The following CSMD1 variants were observed in gnomAD, a reference collection of about 807,000 sequenced individuals.
CSMD1 encodes the protein CUB and sushi domain-containing protein 1.
A neutral mutation model predicts 417.5 loss-of-function variants in CSMD1; 213 were observed. The ratio of observed to expected loss-of-function variants is 0.51; its 90% CI spans 0.46 to 0.57. The LOEUF is 0.57. Among genes scored for constraint, CSMD1 ranks in the 20% least tolerant of loss-of-function variants. The probability of loss-of-function intolerance (pLI) is 0.00; values close to 1 mark genes in which losing one functional copy is unlikely to be tolerated. For missense variants in CSMD1, 6,923 were observed against 4,529.7 expected, an observed-to-expected ratio of 1.53 and a Z score of -15.17; for synonymous variants, 2,862 against 1,736.8, an observed-to-expected ratio of 1.65 and a Z score of -16.11.
chr8:4,420,095 G>T (rs767987945), intron 2 of CSMD1, 30 bp from the exon 3 acceptor site: 2 of 1,469,486 alleles, frequency 1.4e-6, no homozygotes, highest in Non-Finnish European at 1.9e-6. Context: ...CACAAAGAGA[G>T]TTAAAAGCAT....
intron 12 of CSMD1, among the ~76,000 whole-genome samples, chr8:3,453,556 C>T (rs1815896257): frequency 6.6e-6 from 1 of 152,172 alleles, no homozygotes; most frequent in African/African-American, 2.4e-5. Flanking sequence ...TTTCTACCTT[C>T]ATTTCGTTAT....
intron 7 of CSMD1, among the ~76,000 whole-genome samples, chr8:3,663,096 G>A (rs1223356018): frequency 6.6e-6 from 1 of 152,142 alleles, no homozygotes; most frequent in South Asian, 2.1e-4. Context: ...CCACAGAACT[G>A]CCCGCAATGA....
Position 3,856,004 on chromosome 8 carries a change from T to G in CSMD1, c.819-101962A>C, listed in dbSNP as rs563708553. ...GTCAGTATTAATCAATTTTTTTTTG[T>G]TTTTTATATCTAGACAAACATTACC... On this transcript the variant is annotated intron_variant, in intron 5 of 69. Transcript: ENST00000635120. 4.6e-5 allele frequency among the ~76,000 whole-genome samples: 7 copies of G among 152,228 alleles called. No homozygotes were observed. The East Asian group carries it at 1.4e-3, about 29-fold the overall frequency.
chr8:3,990,053 G>C (rs1268177979), intron 5 of CSMD1, among the ~76,000 whole-genome samples: 1 of 152,194 alleles, frequency 6.6e-6, no homozygotes, highest in Non-Finnish European at 1.5e-5. Context: ...AGCATTATTT[G>C]AGAATGACTA....
chr8:4,071,143 G>T (rs750703730), intron 3 of CSMD1, among the ~76,000 whole-genome samples: 1 of 151,610 alleles, frequency 6.6e-6, no homozygotes, highest in Non-Finnish European at 1.5e-5. Context: ...TCCAAATTTG[G>T]AGAATGTCAT....
At chr8:3,394,665 A>T (rs1563343059) in intron 17 of CSMD1, among the ~76,000 whole-genome samples, 1 of 152,132 alleles carries the variant, frequency 6.6e-6, no homozygotes. Flanking sequence ...GAGAAAATAC[A>T]AGGCTTATTA....
At chr8:3,476,227 C>G (rs760402196) in intron 11 of CSMD1, among the ~76,000 whole-genome samples, 7 of 152,180 alleles carry the variant, frequency 4.6e-5, no homozygotes, top group Admixed American at 6.5e-5. Context: ...ACACCTATCT[C>G]TGACTCTGAA....
chr8:3,023,539 CTCACTGTTTAAGG>C (rs1165026309), intron 51 of CSMD1, among the ~76,000 whole-genome samples: 1 of 152,116 alleles, frequency 6.6e-6, no homozygotes, highest in Non-Finnish European at 1.5e-5. Context: ...GACTGCAGAG[CTCACTGTTTAAGG>C]GTGACTATGC....
chr8:4,070,424 C>T (rs1284349541), intron 3 of CSMD1, among the ~76,000 whole-genome samples: 4 of 151,998 alleles, frequency 2.6e-5, no homozygotes, highest in African/African-American at 7.3e-5. Flanking sequence ...GTGGTGGGAT[C>T]TCGGCTCACT....
intron 1 of CSMD1, among the ~76,000 whole-genome samples, chr8:4,833,532 A>C (rs769446689): frequency 6.6e-6 from 1 of 152,230 alleles, no homozygotes; most frequent in Non-Finnish European, 1.5e-5. Context: ...ATCACCCACT[A>C]ACAGTTGCTG....
intron 18 of CSMD1, among the ~76,000 whole-genome samples, chr8:3,383,619 A>G (rs1585083673): frequency 1.3e-5 from 2 of 152,328 alleles, no homozygotes; most frequent in African/African-American, 4.8e-5. Context: ...AATGATGCCA[A>G]TAAGAGAAGG....
chr8:4,977,180 T>C (rs1435840979), intron 1 of CSMD1, among the ~76,000 whole-genome samples: 1 of 152,196 alleles, frequency 6.6e-6, no homozygotes, highest in Non-Finnish European at 1.5e-5. Flanking sequence ...TTGTTAACTA[T>C]TTTCTGTTTA....
intron 1 of CSMD1, among the ~76,000 whole-genome samples, chr8:4,690,805 T>C (rs1020098470): frequency 6.6e-6 from 1 of 152,314 alleles, no homozygotes; most frequent in East Asian, 1.9e-4. Flanking sequence ...CTCGGCTCAC[T>C]GCAACCTCTT....
At chr8:4,451,664 T>C (rs533508584) in intron 2 of CSMD1, among the ~76,000 whole-genome samples, 10 of 152,134 alleles carry the variant, frequency 6.6e-5, no homozygotes, top group South Asian at 2.1e-4. Context: ...CCTTAGTCAA[T>C]TGAGTTCACT....
chr8:4,688,088 A>T (rs1806505891), intron 1 of CSMD1, among the ~76,000 whole-genome samples: 1 of 152,038 alleles, frequency 6.6e-6, no homozygotes, highest in Non-Finnish European at 1.5e-5. Flanking sequence ...CCCAGTTTTA[A>T]AGCTTTCTAC....
At chr8:3,928,767 G>T (rs947875122) in intron 5 of CSMD1, among the ~76,000 whole-genome samples, 1 of 147,604 alleles carries the variant, frequency 6.8e-6, no homozygotes, top group African/African-American at 2.5e-5. Flanking sequence ...AGGTGGTCCA[G>T]ATCCCACCCA....
chr8:4,243,280 T>C (rs1440964458), intron 3 of CSMD1, among the ~76,000 whole-genome samples: 1 of 152,136 alleles, frequency 6.6e-6, no homozygotes, highest in African/African-American at 2.4e-5. Context: ...TCTCATGAAC[T>C]AGGTCTGAAT....
At chr8:4,417,394 A>T (rs573233855) in intron 3 of CSMD1, among the ~76,000 whole-genome samples, 12 of 152,106 alleles carry the variant, frequency 7.9e-5, no homozygotes, top group Non-Finnish European at 1.5e-4. Flanking sequence ...TTTATTCCCA[A>T]GGTTATCATG....
At chr8:4,059,201 A>G (rs1247330421) in intron 3 of CSMD1, among the ~76,000 whole-genome samples, 2 of 152,210 alleles carry the variant, frequency 1.3e-5, no homozygotes, top group Non-Finnish European at 2.9e-5. Flanking sequence ...TACTGGGTAC[A>G]TAACGAAATG....
Sources: allele counts gnomAD v4.1 joint callset (sites outside exome capture counted in the v4.1 genomes callset), GRCh38; gene constraint gnomAD v4.1.1; transcripts MANE v1.5; gene names NCBI Gene and HGNC (gene_info 2026-07-23, HGNC 2026-07-21).